CCDC178: variants seen among roughly 807,000 people sequenced by gnomAD.
CCDC178 encodes coiled-coil domain-containing protein 178.
CCDC178 carries 126 observed loss-of-function variants against 117.4 expected under a neutral mutation model. The ratio of observed to expected loss-of-function variants is 1.07; its 90% CI spans 0.93 to 1.24. CCDC178 has a LOEUF of 1.24. Ranked by LOEUF, CCDC178 falls within the 50% of genes most tolerant of loss-of-function variation. The probability of loss-of-function intolerance (pLI) is 0.00; values close to 1 mark genes in which losing one functional copy is unlikely to be tolerated. For missense variants in CCDC178, 1,030 were observed against 986.9 expected, an observed-to-expected ratio of 1.04 and a Z score of -0.59; for synonymous variants, 283 against 313.4, an observed-to-expected ratio of 0.90 and a Z score of 1.02.
intron 3 of CCDC178, among the ~76,000 whole-genome samples, chr18:33,405,583 A>C (rs1452915471): frequency 6.6e-6 from 1 of 152,040 alleles, no homozygotes; most frequent in Non-Finnish European, 1.5e-5. Flanking sequence ...ATAAAAAAGT[A>C]AGCCAAATAA....
intron 14 of CCDC178, among the ~76,000 whole-genome samples, chr18:33,260,336 T>C (rs576453167): frequency 1.2e-4 from 19 of 152,256 alleles, no homozygotes; most frequent in African/African-American, 4.6e-4. Context: ...TACTCGTTCA[T>C]GATTACTACA....
At chr18:33,006,193 T>A (rs1015177907) in intron 21 of CCDC178, among the ~76,000 whole-genome samples, 2 of 152,010 alleles carry the variant, frequency 1.3e-5, no homozygotes, top group African/African-American at 4.8e-5. Flanking sequence ...TAAGATTGAA[T>A]TTGCTTTGGT....
Position 33,052,180 on chromosome 18 carries a change from TG to T in CCDC178, c.2388+40580del, listed in dbSNP as rs2056757747. On this transcript the variant is annotated intron_variant, in intron 21 of 22. Coordinates refer to ENST00000383096, the MANE Select transcript of CCDC178 (RefSeq NM_001105528.4). The stretch of plus-strand genomic sequence containing the variant: ...TTCTAGCAAACTTTAGGTTCATCTA[TG>T]TTATAACTAGAGAACCAAGACAGGA... 3.3e-5 allele frequency among the ~76,000 whole-genome samples: 5 copies of T among 152,254 alleles called. No individual in the cohort carries two copies. In the South Asian group the frequency reaches 1.0e-3, roughly 32 times the overall value.
At chr18:33,403,378 C>G (rs868371923) in intron 3 of CCDC178, among the ~76,000 whole-genome samples, 2 of 151,762 alleles carry the variant, frequency 1.3e-5, no homozygotes, top group South Asian at 4.2e-4. Context: ...TTAACAACTA[C>G]AAAAATCAGC....
chr18:33,438,854 A>C (rs942561359), intron 2 of CCDC178, among the ~76,000 whole-genome samples: 23 of 152,138 alleles, frequency 1.5e-4, no homozygotes, highest in African/African-American at 4.3e-4. Flanking sequence ...TTTAGCAGCC[A>C]ATATTCTCAT....
At chr18:33,188,285 A>C (rs1343723616) in intron 20 of CCDC178, among the ~76,000 whole-genome samples, 1 of 152,078 alleles carries the variant, frequency 6.6e-6, no homozygotes, top group East Asian at 1.9e-4. Flanking sequence ...TGGTACTCAA[A>C]ATTTTAAAGA....
chr18:33,017,130 G>C (rs1345999523), intron 21 of CCDC178, among the ~76,000 whole-genome samples: 2 of 151,732 alleles, frequency 1.3e-5, no homozygotes, highest in Admixed American at 1.3e-4. Context: ...AGAAATAAAA[G>C]TCATTCAGTT....
chr18:33,123,522 G>T (rs1302641768), intron 20 of CCDC178, among the ~76,000 whole-genome samples: 3 of 151,902 alleles, frequency 2.0e-5, no homozygotes, highest in Admixed American at 6.6e-5. Flanking sequence ...TAACAGAAAA[G>T]AAATTAAAAA....
chr18:33,378,909 T>C lies in CCDC178; in HGVS notation c.209-8720A>G, dbSNP rs142955761. ...GGCCTGTTGTTTTCTTTTTTCATTG[T>C]GTCTTTGCAAGGTTTTGGTATCAGG... On this transcript the variant is annotated intron_variant, in intron 5 of 22. Transcript: ENST00000383096. 6.9e-4 allele frequency among the ~76,000 whole-genome samples: 105 copies of C among 151,958 alleles called. 1 individual carries two copies. Among genetic ancestry groups the C allele is most frequent in the African/African-American group, 2.5e-3 (103 of 41,516 alleles).
At chr18:33,034,746 T>A (rs191134188) in intron 21 of CCDC178, among the ~76,000 whole-genome samples, 218 of 152,046 alleles carry the variant, frequency 1.4e-3, no homozygotes, top group African/African-American at 5.0e-3. Flanking sequence ...ATTTTGAAAA[T>A]TTTTCAATTC....
intron 15 of CCDC178, among the ~76,000 whole-genome samples, chr18:33,241,022 G>C (rs2059481138): frequency 6.6e-6 from 1 of 151,928 alleles, no homozygotes; most frequent in Admixed American, 6.6e-5. Flanking sequence ...ATTTATCCAG[G>C]AATGAAAATA....
intron 9 of CCDC178, among the ~76,000 whole-genome samples, chr18:33,341,328 C>T (rs539964000): frequency 1.1e-3 from 168 of 152,296 alleles, no homozygotes; most frequent in African/African-American, 3.8e-3. Context: ...TTTGATTTTA[C>T]AAGCTCATAG....
At chr18:33,249,378 T>G (rs1183690844) in intron 14 of CCDC178, among the ~76,000 whole-genome samples, 1 of 152,164 alleles carries the variant, frequency 6.6e-6, no homozygotes, top group African/African-American at 2.4e-5. Flanking sequence ...CTAAGTTTTC[T>G]TCTAGGGTTT....
Position 33,179,089 on chromosome 18 carries a change from ATATATATATATATATATATAAAC to A in CCDC178, c.2238+32784_2238+32806del, listed in dbSNP as rs1568036959. On this transcript the variant is annotated intron_variant, in intron 20 of 22. Coordinates refer to ENST00000383096, the MANE Select transcript of CCDC178 (RefSeq NM_001105528.4). ...AAAAAAAAAAAAAAAATATATATAT[ATATATATATATATATATATAAAC>A]TATATATATATATATAAACTATATA... Among the ~76,000 whole-genome samples, 6 of 109,304 alleles carry A rather than the reference ATATATATATATATATATATAAAC, an allele frequency of 5.5e-5. 2 individuals carry two copies. Among genetic ancestry groups the A allele is most frequent in the African/African-American group, 1.9e-4 (4 of 21,146 alleles). The allele number at this position is 109,304 out of a possible 152,430, so 71.7% of individuals were successfully genotyped here.
At chr18:33,297,629 AACAG>A (rs1175284714) in intron 11 of CCDC178, among the ~76,000 whole-genome samples, 1 of 152,218 alleles carries the variant, frequency 6.6e-6, no homozygotes, top group Non-Finnish European at 1.5e-5. Flanking sequence ...ACCAAGAAGA[AACAG>A]AAAGCCTAAA....
chr18:33,404,048 A>C (rs2144871748), intron 3 of CCDC178, among the ~76,000 whole-genome samples: 1 of 152,264 alleles, frequency 6.6e-6, no homozygotes, highest in Middle Eastern at 3.4e-3. Flanking sequence ...ACAGAGACTA[A>C]CCAATGGAAA....
chr18:33,437,516 G>A (rs774896885), intron 2 of CCDC178: 4 of 152,046 alleles, frequency 2.6e-5, no homozygotes, highest in South Asian at 2.1e-4. Flanking sequence ...GAATCCCTTC[G>A]GTTCATATGA....
intron 22 of CCDC178, among the ~76,000 whole-genome samples, chr18:32,966,729 A>G (rs1324051582): frequency 6.6e-6 from 1 of 151,856 alleles, no homozygotes; most frequent in East Asian, 1.9e-4. Flanking sequence ...TATTGAATGG[A>G]TTTTTATTTA....
chr18:33,172,014 A>C (rs1289382248), intron 20 of CCDC178, among the ~76,000 whole-genome samples: 1 of 152,102 alleles, frequency 6.6e-6, no homozygotes, highest in Non-Finnish European at 1.5e-5. Flanking sequence ...AGGTTCAAGC[A>C]ATTCTCCTGC....
Sources: allele counts gnomAD v4.1 joint callset (sites outside exome capture counted in the v4.1 genomes callset), GRCh38; gene constraint gnomAD v4.1.1; transcripts MANE v1.5; gene names NCBI Gene and HGNC (gene_info 2026-07-23, HGNC 2026-07-21).